FOXN3: variants seen among roughly 807,000 people sequenced by gnomAD.
FOXN3 encodes the protein forkhead box N3, also known as forkhead box protein N3.
FOXN3 carries 7 observed loss-of-function variants against 38.4 expected under a neutral mutation model. The observed-to-expected ratio is 0.18, with a 90% CI of 0.10 to 0.34. The LOEUF (loss-of-function observed/expected upper bound fraction) is 0.34, where lower values mean the gene tolerates loss of function less well. FOXN3 is among the 10% of genes least tolerant of loss of function. FOXN3 has a pLI of 1.00. For missense variants in FOXN3, 456 were observed against 613.4 expected (o/e 0.74, Z 2.71); for synonymous variants, 230 against 242.2 (o/e 0.95, Z 0.47).
intron 4 of FOXN3, among the ~76,000 whole-genome samples, chr14:89,210,459 T>A (rs1884057329): frequency 6.6e-6 from 1 of 152,172 alleles, no homozygotes; most frequent in Non-Finnish European, 1.5e-5. Context: ...AATTACCCAG[T>A]CTCAGGTATT....
intron 1 of FOXN3, among the ~76,000 whole-genome samples, chr14:89,415,882 A>ACACACACACACACC (rs1491426672): frequency 7.4e-6 from 1 of 135,104 alleles, no homozygotes; most frequent in African/African-American, 2.6e-5. Flanking sequence ...ACACACACAC[A>ACACACACACACACC]CCCTCTTTTG....
chr14:89,261,923 C>T (rs756089208), intron 4 of FOXN3, among the ~76,000 whole-genome samples: 26 of 151,740 alleles, frequency 1.7e-4, no homozygotes, highest in Admixed American at 1.5e-3. Context: ...AGCGAGACTC[C>T]GTCTCAAAAA....
Position 89,162,845 on chromosome 14 carries a change from T to C in FOXN3, c.976A>G (p.Thr326Ala). Residue 326 changes from threonine (T) to alanine (A), a missense_variant, in exon 6 of 6, where the codon ACC (threonine) becomes GCC (alanine). By Grantham distance (58) the Thr-to-Ala change is moderately conservative. This residue lies in a region of FOXN3 where 386 missense variants were observed against 505.2 expected (regional missense o/e 0.76). Coordinates refer to ENST00000557258, the MANE Select transcript of FOXN3 (RefSeq NM_005197.4). This position sits in a 1 kb window ranked among gnomAD's most constrained non-coding sequence, Gnocchi z 7.2. ...GAGATGGAGTCGCTGGTGGGCGAGG[T>C]GCTCCGGGCGTTGGAGGACTTGGCA... is the stretch of plus-strand genomic sequence containing the variant. Reference protein sequence around the residue: ...SSAKSSNARSTSPTSDSISSS... With the variant: ...SSAKSSNARSASPTSDSISSS... The C allele has an allele frequency of 6.2e-7, 1 of 1,611,516 alleles. No individual in the cohort carries two copies.
At position 89,180,747 on chromosome 14, in the gene FOXN3, C is replaced by A. The variant is rs151269727; in HGVS notation, c.805G>T (p.Val269Leu). 1 of 1,612,392 alleles carries A rather than the reference C, an allele frequency of 6.2e-7. No homozygotes were observed. ...RVLSRGLFPG[V>L]RPLPITPIGV... ...ATGGGAGTGATTGGCAGCGGCCGCA[C>A]GCCAGGAAACAGCCCTCGGCTCAGG... The change falls in exon 5 of 6, where the codon GTG becomes TTG. Residue 269 changes from valine to leucine, a missense_variant. Val to Leu is a conservative substitution (Grantham distance 32). Transcript: ENST00000557258.
chr14:89,609,337 GA>G (rs1372786479), intron 1 of FOXN3, among the ~76,000 whole-genome samples: 1 of 152,106 alleles, frequency 6.6e-6, no homozygotes, highest in Non-Finnish European at 1.5e-5. Context: ...CGAGTAGCTG[GA>G]ACCACAGGTG....
At chr14:89,239,891 GACCCATGA>G (rs1325650185) in intron 4 of FOXN3, among the ~76,000 whole-genome samples, 2 of 152,182 alleles carry the variant, frequency 1.3e-5, no homozygotes, top group African/African-American at 4.8e-5. Context: ...AAGGTCACAT[GACCCATGA>G]ATTCTGGAGC....
chr14:89,367,403 C>T (rs911367904), intron 2 of FOXN3, among the ~76,000 whole-genome samples: 3 of 152,214 alleles, frequency 2.0e-5, no homozygotes, highest in Admixed American at 2.0e-4. Flanking sequence ...CCGAAACCAT[C>T]TCCGACCCAC....
chr14:89,428,443 G>T (rs1430234923), intron 1 of FOXN3, among the ~76,000 whole-genome samples: 2 of 152,142 alleles, frequency 1.3e-5, no homozygotes, highest in Non-Finnish European at 2.9e-5. Flanking sequence ...TCTTAAAAGG[G>T]TCGGGGCTGG....
intron 2 of FOXN3, among the ~76,000 whole-genome samples, chr14:89,387,205 G>A (rs1428526750): frequency 6.6e-6 from 1 of 152,182 alleles, no homozygotes; most frequent in Non-Finnish European, 1.5e-5. Context: ...GCAGTAAGCC[G>A]AGATCGTGCC....
chr14:89,331,209 C>A (rs1300596761), intron 3 of FOXN3, among the ~76,000 whole-genome samples: 2 of 152,214 alleles, frequency 1.3e-5, no homozygotes, highest in African/African-American at 4.8e-5. Context: ...TCCCCATTCC[C>A]ACCTTCCCCC....
chr14:89,485,231 G>A (rs1409434337), intron 1 of FOXN3, among the ~76,000 whole-genome samples: 1 of 151,496 alleles, frequency 6.6e-6, no homozygotes, highest in East Asian at 1.9e-4. Context: ...GGGGGAGAGT[G>A]AGGGGTGGAC....
At chr14:89,567,943 T>C (rs899070663) in intron 1 of FOXN3, among the ~76,000 whole-genome samples, 2 of 151,828 alleles carry the variant, frequency 1.3e-5, no homozygotes, top group African/African-American at 2.4e-5. Context: ...AGGATGGTCT[T>C]GATCTCCTGA....
chr14:89,308,517 G>A (rs1480329867), intron 3 of FOXN3, among the ~76,000 whole-genome samples: 1 of 152,218 alleles, frequency 6.6e-6, no homozygotes, highest in African/African-American at 2.4e-5. Context: ...TGTGAATGAA[G>A]ATACCTGGTG....
At chr14:89,309,060 G>C (rs534747656) in intron 3 of FOXN3, among the ~76,000 whole-genome samples, 30 of 152,118 alleles carry the variant, frequency 2.0e-4, no homozygotes, top group Non-Finnish European at 4.1e-4. Context: ...CTGTCTCTTT[G>C]TTTGTTTTTT....
intron 5 of FOXN3, among the ~76,000 whole-genome samples, chr14:89,175,614 G>C (rs180767458): frequency 4.6e-5 from 7 of 152,314 alleles, no homozygotes; most frequent in Admixed American, 4.6e-4. Flanking sequence ...GTTTCCTCTT[G>C]AGAAGCCCAT....
In FOXN3 at chr14:89,587,861, GTC is replaced by G. The variant is rs1895873815; in HGVS notation, c.-15+31165_-15+31166del. Among the ~76,000 whole-genome samples the G allele has an allele frequency of 1.1e-4, 9 of 85,188 alleles. No individual in the cohort carries two copies. In the Admixed American group the frequency reaches 1.7e-3, roughly 16 times the overall value. The allele number at this position is 85,188 out of a possible 152,430, so 55.9% of individuals were successfully genotyped here. A position where few individuals can be genotyped will look rare whatever the true frequency, so the allele number is the denominator to read the frequency against. Reference sequence around the variant, plus strand: ...AGCCTGGGTGAAAGAGTAAGACTCTGTCTCAGAAAAAAAAAAAAAAAAAAAAA... The same window carrying G: ...AGCCTGGGTGAAAGAGTAAGACTCTGTCAGAAAAAAAAAAAAAAAAAAAAA... On this transcript the variant is annotated intron_variant, in intron 1 of 6. Coordinates refer to the FOXN3 transcript ENST00000345097.
At chr14:89,211,902 A>T (rs1884103900) in intron 4 of FOXN3, among the ~76,000 whole-genome samples, 1 of 152,146 alleles carries the variant, frequency 6.6e-6, no homozygotes. Context: ...CTCCAATTTG[A>T]TGGTATTTGA....
rs55935162 is a variant in FOXN3 at position 89,528,376 on chromosome 14, C to CTTTTTTTTTTTTTT, written c.-15+90638_-15+90651dup. Among the ~76,000 whole-genome samples, 22 of 53,574 alleles carry CTTTTTTTTTTTTTT rather than the reference C, an allele frequency of 4.1e-4. 4 individuals carry two copies. Among genetic ancestry groups the CTTTTTTTTTTTTTT allele is most frequent in the East Asian group, 7.8e-4 (1 of 1,286 alleles). 35.1% of individuals were successfully genotyped at this position (53,574 alleles called of 152,430 possible). ...TCATCCATACTCAACATGGATGAAT[C>CTTTTTTTTTTTTTT]TTTTTTTTTTTTTTTTTTTTTTTTT... On this transcript the variant is annotated intron_variant, in intron 1 of 6. Transcript: ENST00000345097.
At chr14:89,605,217 A>G (rs1439502118) in intron 1 of FOXN3, among the ~76,000 whole-genome samples, 3 of 152,178 alleles carry the variant, frequency 2.0e-5, no homozygotes, top group African/African-American at 4.8e-5. Flanking sequence ...GGCAAAAACG[A>G]AACCTAAATT....
Sources: gnomAD v4.1 joint callset for allele counts (sites outside exome capture counted in the v4.1 genomes callset) on GRCh38, gnomAD v4.1.1 for gene constraint, gnomAD v4.1.1 regional missense constraint, Gnocchi (gnomAD v3.1) non-coding constraint, MANE v1.5 for transcripts, NCBI Gene and HGNC (gene_info 2026-07-23, HGNC 2026-07-21) for gene names.